The following EFCAB8 variants were observed in gnomAD, a reference collection of about 807,000 sequenced individuals.
The protein encoded by EFCAB8 is EF-hand calcium binding domain 8, also known as EF-hand calcium-binding domain-containing protein 8.
In EFCAB8, 100 loss-of-function variants were observed where a neutral mutation model predicts 116.3. The ratio of observed to expected loss-of-function variants is 0.86; its 90% confidence interval spans 0.73 to 1.02. The LOEUF is 1.02. Among genes scored for constraint, EFCAB8 ranks in the 50% least tolerant of loss-of-function variants. EFCAB8 has a pLI of 0.00. For missense variants in EFCAB8, 1,320 were observed against 1,416.9 expected (o/e 0.93, Z 1.10); for synonymous variants, 558 against 567.9 (o/e 0.98, Z 0.25).
In EFCAB8 at chr20:32,863,824, A is replaced by C. The variant is rs1407558274; in HGVS notation, c.32A>C (p.Gln11Pro). The change falls in exon 2 of 27, where the codon CAA becomes CCA. Residue 11 changes from glutamine to proline, a missense_variant. Coordinates refer to ENST00000400522, the MANE Select transcript of EFCAB8 (RefSeq NM_001143967.2). ...TCTGAAGACTTAGCAGAGATCCCTCAACTCCAAAAGGTAAGAAAGACAATT... is the reference window on the plus strand; with the variant it reads ...TCTGAAGACTTAGCAGAGATCCCTCCACTCCAAAAGGTAAGAAAGACAATT... The part of the protein sequence containing the change: MSSEDLAEIP[Q>P]LQKLSIPHGF... 2 of 1,551,554 alleles carry C rather than the reference A, an allele frequency of 1.3e-6. No homozygotes were observed. The highest frequency in any genetic ancestry group is 1.7e-6 in the Non-Finnish European group (2 of 1,146,886).
At chr20:32,929,762 A>G (rs1481668102) in intron 20 of EFCAB8, among the ~76,000 whole-genome samples, 1 of 151,988 alleles carries the variant, frequency 6.6e-6, no homozygotes, top group Non-Finnish European at 1.5e-5. Context: ...GATTTGCTCT[A>G]CCACCCTCAC....
intron 20 of EFCAB8, among the ~76,000 whole-genome samples, chr20:32,926,691 T>C (rs562561788): frequency 3.1e-3 from 411 of 132,542 alleles, no homozygotes; most frequent in African/African-American, 0.011. Context: ...CCCCAGAGTG[T>C]GATGTTCCCC....
intron 1 of EFCAB8, among the ~76,000 whole-genome samples, chr20:32,859,685 A>G (rs941862830): frequency 2.0e-5 from 3 of 152,208 alleles, no homozygotes; most frequent in Admixed American, 6.5e-5. Context: ...CATTTGTGTT[A>G]TTATACATGT....
intron 23 of EFCAB8, among the ~76,000 whole-genome samples, chr20:32,947,239 T>C (rs1170131918): frequency 6.6e-6 from 1 of 152,250 alleles, no homozygotes. Context: ...TGATCTGTTA[T>C]TATTTTAAAT....
At chr20:32,897,698 C>T (rs1447293616) in intron 10 of EFCAB8, among the ~76,000 whole-genome samples, 3 of 152,084 alleles carry the variant, frequency 2.0e-5, no homozygotes, top group East Asian at 3.9e-4. Context: ...CAGGTGTGAG[C>T]CACTGCACCC....
intron 9 of EFCAB8, among the ~76,000 whole-genome samples, chr20:32,893,573 AC>A (rs1357422422): frequency 6.6e-6 from 1 of 151,928 alleles, no homozygotes; most frequent in African/African-American, 2.4e-5. Flanking sequence ...GACACTTCTC[AC>A]CCCAGCATGA....
chr20:32,913,490 A>G (rs773472274), intron 17 of EFCAB8, among the ~76,000 whole-genome samples: 1 of 152,164 alleles, frequency 6.6e-6, no homozygotes, highest in African/African-American at 2.4e-5. Context: ...AATTCAGTCT[A>G]TGGCATTCCG....
At chr20:32,865,601 C>T (rs1232289772) in intron 2 of EFCAB8, among the ~76,000 whole-genome samples, 1 of 151,836 alleles carries the variant, frequency 6.6e-6, no homozygotes, top group Non-Finnish European at 1.5e-5. Flanking sequence ...AGTTCGAGGC[C>T]AGCCTGGTCA....
At chr20:32,888,014 A>G (rs977332469) in intron 6 of EFCAB8, among the ~76,000 whole-genome samples, 22 of 151,546 alleles carry the variant, frequency 1.5e-4, no homozygotes, top group Non-Finnish European at 2.8e-4. Flanking sequence ...AAATGCTATG[A>G]CCAGTTTTGG....
At chr20:32,931,388 A>G in intron 22 of EFCAB8, 52 bp downstream of exon 22, 1 of 1,483,006 alleles carries the variant, frequency 6.7e-7, no homozygotes, top group Non-Finnish European at 9.0e-7. Flanking sequence ...AGCCCCACAA[A>G]TGAGCTAGGA....
intron 10 of EFCAB8, among the ~76,000 whole-genome samples, chr20:32,897,625 C>T (rs1042398696): frequency 6.6e-5 from 10 of 151,996 alleles, no homozygotes; most frequent in Admixed American, 1.3e-4. Context: ...TTTTTTGAGA[C>T]GGGGCCTCAC....
chr20:32,936,312 G>T (rs760822052), intron 22 of EFCAB8, among the ~76,000 whole-genome samples: 1 of 152,186 alleles, frequency 6.6e-6, no homozygotes, highest in East Asian at 1.9e-4. Flanking sequence ...GGGATTACAC[G>T]TGTGAGCCAC....
chr20:32,865,357 A>G (rs886539265), intron 2 of EFCAB8, among the ~76,000 whole-genome samples: 2 of 151,908 alleles, frequency 1.3e-5, no homozygotes, highest in African/African-American at 4.8e-5. Context: ...GGGCTTGGGG[A>G]TGGTGGGGAG....
At chr20:32,878,913 C>G in intron 5 of EFCAB8, 106 bp downstream of exon 5, 1 of 933,116 alleles carries the variant, frequency 1.1e-6, no homozygotes, top group South Asian at 1.5e-5. Context: ...TGGTGCTGAC[C>G]AGGGGCTGGC....
intron 5 of EFCAB8, among the ~76,000 whole-genome samples, chr20:32,882,806 C>T (rs770568177): frequency 2.0e-5 from 3 of 152,012 alleles, no homozygotes; most frequent in Non-Finnish European, 4.4e-5. Context: ...TGCCGTTCTC[C>T]TGCCTCAGCC....
chr20:32,863,673 T>G (rs1307097007), intron 1 of EFCAB8, 110 bp from the exon 2 acceptor site: 2 of 1,045,178 alleles, frequency 1.9e-6, no homozygotes, highest in Non-Finnish European at 2.7e-6. Flanking sequence ...GAAGCCACCC[T>G]CTCCCTTGAC....
Position 32,905,793 on chromosome 20 carries a change from G to A in EFCAB8, c.1089-769G>A, listed in dbSNP as rs1257015064. On this transcript the variant is annotated intron_variant, in intron 11 of 26. Transcript: ENST00000400522. The stretch of plus-strand genomic sequence containing the variant: ...AAAAAAGGACATTCCTTTCCCCTAG[G>A]TATAGGTATAGAGTGGGCACCTATG... Among the ~76,000 whole-genome samples, 4 of 138,356 alleles carry A rather than the reference G, an allele frequency of 2.9e-5. No homozygotes were observed. The South Asian group carries it at 9.3e-4, about 32-fold the overall frequency. 90.8% of individuals were successfully genotyped at this position (138,356 alleles called of 152,430 possible).
chr20:32,918,439 C>A lies in EFCAB8; in HGVS notation c.2139C>A (p.Tyr713Ter). The stretch of plus-strand genomic sequence containing the variant: ...ATGTGGAGCGGGAGAAGTGGACATA[C>A]AAGACCTCCAGGAAGCTCTCCAGTC... ...RPYVEREKWT[Y>*]KTSRKLSSLS... The change falls in exon 19 of 27, where the codon TAC (tyrosine) becomes TAA (stop). Residue 713 changes from tyrosine (Y) to a stop codon, truncating the protein, a stop_gained. Transcript: ENST00000400522. LOFTEE classifies it high-confidence loss of function. 6.4e-7 allele frequency: 1 copy of A among 1,551,738 alleles called. No homozygotes were observed. The highest frequency in any genetic ancestry group is 1.2e-5 in the South Asian group (1 of 84,066).
chr20:32,932,516 A>G (rs1166788290), intron 22 of EFCAB8, among the ~76,000 whole-genome samples: 2 of 152,230 alleles, frequency 1.3e-5, no homozygotes, highest in African/African-American at 4.8e-5. Flanking sequence ...TCCCCCAAAC[A>G]GTTCATGCTC....
Sources: allele counts gnomAD v4.1 joint callset (sites outside exome capture counted in the v4.1 genomes callset), GRCh38; gene constraint gnomAD v4.1.1; transcripts MANE v1.5; gene names NCBI Gene and HGNC (gene_info 2026-07-23, HGNC 2026-07-21).